Variants in SUSD5 observed in about 807,000 individuals in gnomAD.
SUSD5 encodes the protein sushi domain containing 5.
Under a neutral mutation model 29.5 loss-of-function variants are expected in SUSD5, and 33 were observed. The ratio of observed to expected loss-of-function variants is 1.12; its 90% CI spans 0.85 to 1.49. The LOEUF is 1.49. SUSD5 is among the 40% of genes most tolerant of loss of function. SUSD5 has a pLI of 0.00. For missense variants in SUSD5, 776 were observed against 800.6 expected, an observed-to-expected ratio of 0.97 and a Z score of 0.37; for synonymous variants, 308 against 325.3, an observed-to-expected ratio of 0.95 and a Z score of 0.57.
chr3:33,213,677 G>A (rs1414709870), intron 2 of SUSD5, among the ~76,000 whole-genome samples: 1 of 152,176 alleles, frequency 6.6e-6, no homozygotes, highest in Non-Finnish European at 1.5e-5. Flanking sequence ...GGGAGGCTGA[G>A]GCAGGAGAAT....
At chr3:33,207,037 T>G (rs1052116568) in intron 3 of SUSD5, among the ~76,000 whole-genome samples, 2 of 152,138 alleles carry the variant, frequency 1.3e-5, no homozygotes, top group African/African-American at 2.4e-5. Flanking sequence ...CAACCGTATG[T>G]GTTTCTGATA....
rs1039193200 is a variant in SUSD5 at position 33,186,099 on chromosome 3, T to G, written c.410-11025A>C. Among the ~76,000 whole-genome samples the G allele has an allele frequency of 6.6e-5, 10 of 152,118 alleles. 1 individual carries two copies. The South Asian group carries it at 1.7e-3, about 25-fold the overall frequency. ...CGGGCGGATCATGAGGTCAGGAGAT[T>G]GAGACCATCCTGGCTAACACGGTGA... On this transcript the variant is annotated intron_variant, in intron 3 of 4. Transcript: ENST00000309558.
chr3:33,201,249 A>C (rs1559455333), intron 3 of SUSD5, among the ~76,000 whole-genome samples: 2 of 152,174 alleles, frequency 1.3e-5, no homozygotes, highest in Non-Finnish European at 2.9e-5. Flanking sequence ...CCCTGAGTGC[A>C]CCCAGCCCTA....
chr3:33,175,475 CT>C (rs1254390612), intron 3 of SUSD5, among the ~76,000 whole-genome samples: 3 of 151,880 alleles, frequency 2.0e-5, no homozygotes, highest in Non-Finnish European at 2.9e-5. Context: ...CAGAGGGTAT[CT>C]TTCCCCCCTT....
intron 2 of SUSD5, among the ~76,000 whole-genome samples, chr3:33,209,611 T>TCTTC (rs998059293): frequency 6.6e-6 from 1 of 151,028 alleles, no homozygotes; most frequent in Non-Finnish European, 1.5e-5. Flanking sequence ...CCTCTTTCTC[T>TCTTC]CTTCCTTCCT....
chr3:33,197,999 G>T (rs1266042182), intron 3 of SUSD5, among the ~76,000 whole-genome samples: 1 of 152,098 alleles, frequency 6.6e-6, no homozygotes, highest in Non-Finnish European at 1.5e-5. Context: ...TTACTTGGTT[G>T]TACGCATATT....
chr3:33,161,048 A>G (rs544314828), intron 4 of SUSD5, among the ~76,000 whole-genome samples: 1 of 152,368 alleles, frequency 6.6e-6, no homozygotes, highest in South Asian at 2.1e-4. Flanking sequence ...TTAGAAGAAA[A>G]GAACTGCCAA....
chr3:33,174,795 A>G (rs2031508900), intron 4 of SUSD5, 91 bp downstream of exon 4: 2 of 1,474,404 alleles, frequency 1.4e-6, no homozygotes, highest in South Asian at 1.2e-5. Context: ...ACCTTGGTGG[A>G]GAAGAGCCCA....
chr3:33,176,599 A>G (rs545450304), intron 3 of SUSD5, among the ~76,000 whole-genome samples: 9 of 152,302 alleles, frequency 5.9e-5, no homozygotes, highest in Non-Finnish European at 1.2e-4. Flanking sequence ...GAAGTTTTAA[A>G]TTTTAATGAA....
chr3:33,175,417 G>C (rs145932805), intron 3 of SUSD5, among the ~76,000 whole-genome samples: 2 of 152,008 alleles, frequency 1.3e-5, no homozygotes, highest in African/African-American at 4.8e-5. Context: ...TTTTATAAGT[G>C]AATAGGAACT....
At chr3:33,213,234 T>A (rs2032354105) in intron 2 of SUSD5, among the ~76,000 whole-genome samples, 1 of 151,828 alleles carries the variant, frequency 6.6e-6, no homozygotes, top group South Asian at 2.1e-4. Context: ...TAGCAAGCAT[T>A]TTTTACCTCT....
chr3:33,205,071 G>C (rs927696744), intron 3 of SUSD5, among the ~76,000 whole-genome samples: 3 of 151,940 alleles, frequency 2.0e-5, no homozygotes, highest in Non-Finnish European at 4.4e-5. Flanking sequence ...TGAACCATTG[G>C]AGAGTAAGTT....
rs1482981684 is a variant in SUSD5, at chr3:33,153,922, T to C, written c.710A>G (p.Gln237Arg). ...SRTEADEDRG[Q>R]GDSSEEAPKQ... The stretch of plus-strand genomic sequence containing the variant: ...TGGAGCCTCCTCAGAGGAGTCTCCC[T>C]GACCCCTGTCCTCATCTGCCTCTGT... Residue 237 changes from glutamine (Q) to arginine (R), a missense_variant, in exon 5 of 5, where the codon CAG (glutamine) becomes CGG (arginine). Coordinates refer to ENST00000309558, the MANE Select transcript of SUSD5 (RefSeq NM_015551.2). 1.2e-6 allele frequency: 2 copies of C among 1,613,952 alleles called. No individual in the cohort carries two copies. Among genetic ancestry groups the C allele is most frequent in the East Asian group, 2.2e-5 (1 of 44,872 alleles).
chr3:33,197,037 A>AC (rs1222499111), intron 3 of SUSD5, among the ~76,000 whole-genome samples: 2 of 152,198 alleles, frequency 1.3e-5, no homozygotes, highest in Non-Finnish European at 2.9e-5. Context: ...AACACAGGGT[A>AC]CTACAGCAGG....
chr3:33,167,414 CGTGT>C lies in SUSD5; in HGVS notation c.598+7468_598+7471del, dbSNP rs369989497. Reference sequence around the variant, plus strand: ...GTGTGTTTGTTTGTGTGCATGCATGCGTGTGTGTGTGTCTGTGTATGCATGGATG... The same window carrying C: ...GTGTGTTTGTTTGTGTGCATGCATGCGTGTGTGTCTGTGTATGCATGGATG... On this transcript the variant is annotated intron_variant, in intron 4 of 4. Coordinates refer to ENST00000309558, the MANE Select transcript of SUSD5 (RefSeq NM_015551.2). The surrounding 1 kb of genome is among the most constrained non-coding windows in gnomAD (Gnocchi z 4.1). Among the ~76,000 whole-genome samples, 1 of 151,368 alleles carries C rather than the reference CGTGT, an allele frequency of 6.6e-6. No individual in the cohort carries two copies. Among genetic ancestry groups the C allele is most frequent in the East Asian group, 1.9e-4 (1 of 5,148 alleles).
chr3:33,171,048 A>G (rs1470920513), intron 4 of SUSD5, among the ~76,000 whole-genome samples: 2 of 152,232 alleles, frequency 1.3e-5, no homozygotes, highest in African/African-American at 4.8e-5. Flanking sequence ...TTTTTAAAAT[A>G]TGGGTACTAT....
rs543958828 is a variant in SUSD5, at chr3:33,175,547, T to TAC, written c.410-475_410-474dup. 2.2e-3 allele frequency among the ~76,000 whole-genome samples: 333 copies of TAC among 149,140 alleles called. 7 individuals carry two copies. In the East Asian group the frequency reaches 0.03, roughly 13 times the overall value. ...TTATCAGTTTGGTATACACAAAAAT[T>TAC]ACACACACACACACACTATATATAT... On this transcript the variant is annotated intron_variant, in intron 3 of 4. Transcript: ENST00000309558.
At chr3:33,174,790 G>C (rs2031508786) in intron 4 of SUSD5, 96 bp downstream of exon 4, 14 of 1,430,676 alleles carry the variant, frequency 9.8e-6, no homozygotes, top group Non-Finnish European at 1.3e-5. Context: ...AAGGCACCTT[G>C]GTGGAGAAGA....
At chr3:33,174,326 G>A (rs1487024979) in intron 4 of SUSD5, among the ~76,000 whole-genome samples, 2 of 152,142 alleles carry the variant, frequency 1.3e-5, no homozygotes, top group Non-Finnish European at 2.9e-5. Context: ...TCATATGTGT[G>A]GTGTGGATCA....
Sources: gnomAD v4.1 joint callset for allele counts (sites outside exome capture counted in the v4.1 genomes callset) on GRCh38, gnomAD v4.1.1 for gene constraint, Gnocchi (gnomAD v3.1) non-coding constraint, MANE v1.5 for transcripts, NCBI Gene and HGNC (gene_info 2026-07-23, HGNC 2026-07-21) for gene names.